ESR1: variants seen among roughly 807,000 people sequenced by gnomAD.
The protein encoded by ESR1 is estrogen receptor.
ESR1 carries 12 observed loss-of-function variants against 52.7 expected under a neutral mutation model. That is an observed-to-expected ratio of 0.23 (90% CI 0.15 to 0.37). ESR1 has a LOEUF of 0.37. ESR1 is among the 10% of genes least tolerant of loss of function. The pLI is 1.00. For missense variants in ESR1, 584 were observed against 779.7 expected (o/e 0.75, Z 2.99); for synonymous variants, 305 against 316.8 (o/e 0.96, Z 0.39).
At chr6:151,679,794 G>A (rs77898745) in intron 1 of ESR1, among the ~76,000 whole-genome samples, 1 of 152,102 alleles carries the variant, frequency 6.6e-6, no homozygotes, top group East Asian at 1.9e-4. Context: ...GGGACACTCC[G>A]GTCTTTGCTC....
At chr6:151,811,324 C>T (rs1484468175) in intron 1 of ESR1, 2 of 152,072 alleles carry the variant, frequency 1.3e-5, no homozygotes, top group African/African-American at 4.8e-5. Flanking sequence ...ATCCTGGGTT[C>T]CTTTTTTAGA....
chr6:151,947,453 T>C (rs2035835579), intron 4 of ESR1, among the ~76,000 whole-genome samples: 1 of 152,202 alleles, frequency 6.6e-6, no homozygotes, highest in African/African-American at 2.4e-5. Flanking sequence ...TCAGAATACC[T>C]ATCAATATAA....
At chr6:151,868,861 G>A (rs964825552) in intron 2 of ESR1, among the ~76,000 whole-genome samples, 2 of 152,036 alleles carry the variant, frequency 1.3e-5, no homozygotes, top group African/African-American at 4.8e-5. Context: ...TAATTTGGGG[G>A]GACTCCTGAA....
intron 6 of ESR1, among the ~76,000 whole-genome samples, chr6:152,067,234 G>C (rs1267794183): frequency 6.6e-6 from 1 of 152,150 alleles, no homozygotes; most frequent in African/African-American, 2.4e-5. Flanking sequence ...GATTCTCTTG[G>C]AGCTTCTGAG....
intron 6 of ESR1, chr6:152,125,220 G>A: frequency 2.0e-6 from 3 of 1,537,486 alleles, no homozygotes; most frequent in Non-Finnish European, 2.6e-6. Context: ...GCTGGTTGGT[G>A]ATAGGAATAA....
intron 3 of ESR1, among the ~76,000 whole-genome samples, chr6:151,903,730 C>T (rs1797035614): frequency 6.6e-6 from 1 of 152,170 alleles, no homozygotes; most frequent in African/African-American, 2.4e-5. Flanking sequence ...TTATGCTGTC[C>T]CACCAGTGCC....
rs543851414 is a variant in ESR1 at position 151,899,010 on chromosome 6, C to T, written c.760+18239C>T. Among the ~76,000 whole-genome samples, 1,497 of 150,982 alleles carry T rather than the reference C, an allele frequency of 9.9e-3. 17 individuals carry two copies. The highest frequency in any genetic ancestry group is 0.034 in the African/African-American group (1,383 of 41,148). On this transcript the variant is annotated intron_variant, in intron 3 of 7. Transcript: ENST00000206249. ...GGCGCCCCTCACCTCCCGGACGGGG[C>T]GGCTGGCCGGGCGGGGGGCTGAACC...
At chr6:151,925,423 A>G (rs891264733) in intron 3 of ESR1, among the ~76,000 whole-genome samples, 7 of 152,174 alleles carry the variant, frequency 4.6e-5, no homozygotes, top group African/African-American at 1.7e-4. Context: ...TCTGGCCAAC[A>G]TGGTGAAACC....
chr6:151,787,888 T>C (rs915860148), intron 2 of ESR1, among the ~76,000 whole-genome samples: 1 of 152,142 alleles, frequency 6.6e-6, no homozygotes, highest in Non-Finnish European at 1.5e-5. Flanking sequence ...CTATGTTGAA[T>C]AGGAGTGGTG....
chr6:151,844,099 T>A (rs1481086520), intron 2 of ESR1, among the ~76,000 whole-genome samples: 2 of 151,582 alleles, frequency 1.3e-5, no homozygotes, highest in African/African-American at 4.8e-5. Context: ...AATCTTTGTG[T>A]GTGTATATAT....
chr6:152,090,752 TGA>T (rs2050114901), intron 6 of ESR1, among the ~76,000 whole-genome samples: 1 of 152,054 alleles, frequency 6.6e-6, no homozygotes, highest in Non-Finnish European at 1.5e-5. Flanking sequence ...ACAGCAGAAT[TGA>T]GAGTGAGGGA....
At chr6:151,992,942 A>T (rs994245772) in intron 4 of ESR1, among the ~76,000 whole-genome samples, 6 of 152,170 alleles carry the variant, frequency 3.9e-5, no homozygotes, top group Admixed American at 3.3e-4. Flanking sequence ...TTTTTGGTTT[A>T]GTTAAGCCTA....
intron 2 of ESR1, among the ~76,000 whole-genome samples, chr6:151,718,250 T>G (rs76512309): frequency 0.019 from 2,945 of 152,322 alleles, 36 homozygotes; most frequent in East Asian, 0.033. Context: ...AGAAATTGTC[T>G]TGAGGAAGTC....
intron 3 of ESR1, among the ~76,000 whole-genome samples, chr6:151,925,433 C>A (rs1444690865): frequency 1.3e-5 from 2 of 152,044 alleles, no homozygotes; most frequent in African/African-American, 4.8e-5. Context: ...ATGGTGAAAC[C>A]CTGTCTCTAC....
intron 2 of ESR1, among the ~76,000 whole-genome samples, chr6:151,759,406 C>G (rs1440976604): frequency 4.0e-5 from 6 of 151,708 alleles, no homozygotes; most frequent in Admixed American, 2.6e-4. Flanking sequence ...GGGAGATATA[C>G]TTAATGCTAG....
chr6:151,762,213 T>G (rs1021857216), intron 2 of ESR1, among the ~76,000 whole-genome samples: 11 of 152,236 alleles, frequency 7.2e-5, no homozygotes, highest in African/African-American at 2.4e-4. Flanking sequence ...TTCATCATTC[T>G]GACACCGTTA....
chr6:152,105,322 G>A (rs1158769615), downstream of ESR1, among the ~76,000 whole-genome samples: 1 of 152,106 alleles, frequency 6.6e-6, no homozygotes, highest in Non-Finnish European at 1.5e-5. Flanking sequence ...GCAGTCTTGT[G>A]GGACTGAGCC....
chr6:151,957,558 G>GA (rs926738833), intron 4 of ESR1, among the ~76,000 whole-genome samples: 10 of 151,328 alleles, frequency 6.6e-5, no homozygotes, highest in South Asian at 4.2e-4. Context: ...TTACAGTTAA[G>GA]AAAAAAAAAT....
chr6:151,728,299 A>C (rs1781993485), intron 2 of ESR1, among the ~76,000 whole-genome samples: 1 of 152,252 alleles, frequency 6.6e-6, no homozygotes, highest in South Asian at 2.1e-4. Flanking sequence ...AGTAATTATA[A>C]TTCCAGCTAT....
Sources: allele counts gnomAD v4.1 joint callset (sites outside exome capture counted in the v4.1 genomes callset), GRCh38; gene constraint gnomAD v4.1.1; transcripts MANE v1.5; gene names NCBI Gene and HGNC (gene_info 2026-07-23, HGNC 2026-07-21).